IL1RAPL2: variants seen among roughly 807,000 people sequenced by gnomAD.
IL1RAPL2 encodes the protein interleukin 1 receptor accessory protein like 2.
In IL1RAPL2, 3 loss-of-function variants were observed where a neutral mutation model predicts 44.1. The observed-to-expected ratio is 0.07, with a 90% CI of 0.03 to 0.18. The LOEUF (loss-of-function observed/expected upper bound fraction) is 0.18, where lower values mean the gene tolerates loss of function less well. Ranked by LOEUF, IL1RAPL2 falls within the 10% of genes least tolerant of loss-of-function variation. IL1RAPL2 has a pLI of 1.00. For missense variants in IL1RAPL2, 391 were observed against 496.4 expected, an observed-to-expected ratio of 0.79 and a Z score of 2.02; for synonymous variants, 181 against 178.8, an observed-to-expected ratio of 1.01 and a Z score of -0.10.
chrX:104,871,909 G>A (rs996644605), intron 2 of IL1RAPL2, among the ~76,000 whole-genome samples: 1 of 111,662 alleles, frequency 9.0e-6, no homozygotes, highest in African/African-American at 3.3e-5. Flanking sequence ...TTCCTTAAGT[G>A]CAGAGATCAT....
chrX:104,856,683 G>A (rs1922373470), intron 2 of IL1RAPL2, among the ~76,000 whole-genome samples: 1 of 111,755 alleles, frequency 8.9e-6, no homozygotes, highest in African/African-American at 3.3e-5. Flanking sequence ...AATGATAATG[G>A]ACACTCATAC....
intron 1 of IL1RAPL2, among the ~76,000 whole-genome samples, chrX:104,620,365 C>A (rs1331218250): frequency 9.3e-6 from 1 of 108,104 alleles, no homozygotes; most frequent in Admixed American, 1.0e-4. Flanking sequence ...GGTGGCTGGG[C>A]GTGGTGGCTC....
chrX:105,513,257 T>G (rs1015574346), intron 6 of IL1RAPL2, among the ~76,000 whole-genome samples: 2 of 111,192 alleles, frequency 1.8e-5, no homozygotes, highest in Non-Finnish European at 3.8e-5. Flanking sequence ...ATAGTAGAAT[T>G]ATTTATAATC....
intron 5 of IL1RAPL2, among the ~76,000 whole-genome samples, chrX:105,407,381 AC>A (rs2035655115): frequency 9.0e-6 from 1 of 111,252 alleles, no homozygotes; most frequent in Non-Finnish European, 1.9e-5. Context: ...ATGTGGAAAT[AC>A]CATCTTGGTT....
In IL1RAPL2 at chrX:105,453,580, GTATT is replaced by G. The variant is rs1382931368; in HGVS notation, c.698-30732_698-30729del. ...TGATAGACTTTTTTTGCAATGCAAT[GTATT>G]GCTTAACCATTGACTGGTAAACATT... On this transcript the variant is annotated intron_variant, in intron 5 of 10. Transcript: ENST00000372582. 2.1e-4 allele frequency among the ~76,000 whole-genome samples: 24 copies of G among 112,141 alleles called. No individual in the cohort carries two copies. The South Asian group carries it at 8.9e-3, about 42-fold the overall frequency.
chrX:105,703,407 C>A (rs1256355612), intron 6 of IL1RAPL2, among the ~76,000 whole-genome samples: 1 of 110,413 alleles, frequency 9.1e-6, no homozygotes, highest in Non-Finnish European at 1.9e-5. Flanking sequence ...ACAAATATGG[C>A]AAAAGTCTAC....
chrX:104,885,597 G>T (rs1016050216), intron 2 of IL1RAPL2, among the ~76,000 whole-genome samples: 3 of 111,591 alleles, frequency 2.7e-5, no homozygotes, highest in Non-Finnish European at 5.6e-5. Flanking sequence ...AAATCTGGAG[G>T]CATTATTAAA....
intron 6 of IL1RAPL2, among the ~76,000 whole-genome samples, chrX:105,552,895 T>C (rs2036868598): frequency 8.9e-6 from 1 of 112,540 alleles, no homozygotes; most frequent in African/African-American, 3.2e-5. Context: ...AATTTAAAAG[T>C]CATTTTAAGT....
At chrX:105,030,729 G>T (rs2031475737) in intron 2 of IL1RAPL2, among the ~76,000 whole-genome samples, 1 of 111,640 alleles carries the variant, frequency 9.0e-6, no homozygotes, top group Admixed American at 9.5e-5. Flanking sequence ...GGAAATGTGG[G>T]CTCTTTTTTG....
At chrX:105,105,518 T>C (rs1205379833) in intron 2 of IL1RAPL2, among the ~76,000 whole-genome samples, 1 of 112,605 alleles carries the variant, frequency 8.9e-6, no homozygotes, top group Non-Finnish European at 1.9e-5. Flanking sequence ...GCAGACACTG[T>C]TTCTGACTTA....
Position 105,439,776 on chromosome X carries a change from A to C in IL1RAPL2, c.698-44537A>C, listed in dbSNP as rs1351936414. Among the ~76,000 whole-genome samples, 5 of 112,127 alleles carry C rather than the reference A, an allele frequency of 4.5e-5. No individual in the cohort carries two copies. In the East Asian group the frequency reaches 1.4e-3, roughly 31 times the overall value. ...AGGCTCAATAAGGACAGAAAATATC[A>C]ATGAGAATGGGATAGGAAGTTGAAT... On this transcript the variant is annotated intron_variant, in intron 5 of 10. Transcript: ENST00000372582.
rs1169922206 is a variant in IL1RAPL2 at position 104,575,290 on chromosome X, T to C, written c.-20+8239T>C. Among the ~76,000 whole-genome samples the C allele has an allele frequency of 2.7e-5, 3 of 111,205 alleles. No individual in the cohort carries two copies. The Admixed American group carries it at 2.9e-4, about 11-fold the overall frequency. Reference sequence around the variant, plus strand: ...AAGATAAATTGGAACAAACAAACAATTGTAATATTTGATATGTAAAGGTTT... The same window carrying C: ...AAGATAAATTGGAACAAACAAACAACTGTAATATTTGATATGTAAAGGTTT... On this transcript the variant is annotated intron_variant, in intron 1 of 10. Coordinates refer to ENST00000372582, the MANE Select transcript of IL1RAPL2 (RefSeq NM_017416.2).
At chrX:105,268,699 CAG>C (rs757349766) in intron 5 of IL1RAPL2, among the ~76,000 whole-genome samples, 1 of 110,991 alleles carries the variant, frequency 9.0e-6, no homozygotes, top group African/African-American at 3.3e-5. Flanking sequence ...ACACAGGAGG[CAG>C]AGTTTGCAGT....
chrX:105,578,437 T>A lies in IL1RAPL2; in HGVS notation c.772+94050T>A, dbSNP rs188954043. Among the ~76,000 whole-genome samples the A allele has an allele frequency of 5.5e-3, 615 of 111,246 alleles. 9 individuals are homozygous for A. The highest frequency in any genetic ancestry group is 0.019 in the African/African-American group (578 of 30,656). On this transcript the variant is annotated intron_variant, in intron 6 of 10. Transcript: ENST00000372582. ...CAAGTACCTTTAATTATGCTTTAAA[T>A]CCCTTTAAATCACTGTGACTAATAT...
intron 3 of IL1RAPL2, among the ~76,000 whole-genome samples, chrX:105,210,483 C>T (rs111589059): frequency 0.034 from 3,717 of 110,257 alleles, 186 homozygotes; most frequent in African/African-American, 0.12. Flanking sequence ...AGAGATTTTT[C>T]GTTGTCACAA....
chrX:105,585,360 C>CT (rs1001998671), intron 6 of IL1RAPL2, among the ~76,000 whole-genome samples: 44 of 102,197 alleles, frequency 4.3e-4, no homozygotes, highest in Non-Finnish European at 7.6e-4. Context: ...TTTTTTATTA[C>CT]TTTTTTTTTT....
chrX:104,827,238 T>C (rs1209022385), intron 2 of IL1RAPL2, among the ~76,000 whole-genome samples: 1 of 110,804 alleles, frequency 9.0e-6, no homozygotes, highest in Non-Finnish European at 1.9e-5. Context: ...CTTTACATTT[T>C]GGTTTGTTTT....
intron 5 of IL1RAPL2, among the ~76,000 whole-genome samples, chrX:105,422,766 T>C (rs2035782119): frequency 9.0e-6 from 1 of 111,125 alleles, no homozygotes; most frequent in Non-Finnish European, 1.9e-5. Context: ...TAATTCCTGT[T>C]CTGCTTGATA....
intron 2 of IL1RAPL2, among the ~76,000 whole-genome samples, chrX:104,713,726 T>A (rs780234018): frequency 9.0e-6 from 1 of 110,935 alleles, no homozygotes; most frequent in South Asian, 3.8e-4. Context: ...GAAGTTTACT[T>A]CTTCTGAGAG....
Sources: allele counts gnomAD v4.1 joint callset (sites outside exome capture counted in the v4.1 genomes callset), GRCh38; gene constraint gnomAD v4.1.1; transcripts MANE v1.5; gene names NCBI Gene and HGNC (gene_info 2026-07-23, HGNC 2026-07-21).